PDS5A: variants seen among roughly 807,000 people sequenced by gnomAD.
PDS5A encodes sister chromatid cohesion protein PDS5 homolog A.
A neutral mutation model predicts 167.1 loss-of-function variants in PDS5A; 42 were observed. The ratio of observed to expected loss-of-function variants is 0.25; its 90% confidence interval spans 0.20 to 0.33. PDS5A has a LOEUF of 0.33. Ranked by LOEUF, PDS5A falls within the 10% of genes least tolerant of loss-of-function variation. The pLI is 1.00. For synonymous variants in PDS5A, 553 were observed against 554.6 expected, an observed-to-expected ratio of 1.00 and a Z score of 0.04; for missense variants, 1,033 against 1,605.9, an observed-to-expected ratio of 0.64 and a Z score of 6.10.
chr4:39,914,174 T>TG (rs1724145897), intron 8 of PDS5A, among the ~76,000 whole-genome samples: 1 of 150,880 alleles, frequency 6.6e-6, no homozygotes, highest in African/African-American at 2.4e-5. Flanking sequence ...TTTTTTTTTT[T>TG]TTTTTTTGAG....
chr4:39,913,832 C>T, intron 8 of PDS5A, 106 bp from the exon 9 acceptor site: 2 of 697,924 alleles, frequency 2.9e-6, no homozygotes, highest in Middle Eastern at 2.4e-4. Context: ...CTGCTTATAA[C>T]TGTGAGAAGT....
At chr4:39,851,513 C>T (rs1718122308) in intron 26 of PDS5A, among the ~76,000 whole-genome samples, 1 of 152,124 alleles carries the variant, frequency 6.6e-6, no homozygotes, top group African/African-American at 2.4e-5. Context: ...GTCTTGAACT[C>T]CCAGGCTCAA....
At chr4:39,888,913 A>G (rs1721728335) in intron 17 of PDS5A, among the ~76,000 whole-genome samples, 1 of 152,220 alleles carries the variant, frequency 6.6e-6, no homozygotes, top group Admixed American at 6.5e-5. Flanking sequence ...TAGCATAAAG[A>G]TGAATATTTA....
At chr4:39,904,250 A>C in intron 11 of PDS5A, 59 bp from the exon 12 acceptor site, 1 of 1,263,802 alleles carries the variant, frequency 7.9e-7, no homozygotes, top group Non-Finnish European at 1.1e-6. Context: ...CTAATCTCCA[A>C]AGACTGCCTT....
chr4:39,909,999 A>G (rs2109680718), intron 10 of PDS5A: 1 of 333,416 alleles, frequency 3.0e-6, no homozygotes, highest in East Asian at 4.9e-5. Flanking sequence ...GGGATCTCAA[A>G]GTGAGAGGTC....
chr4:39,824,736 A>G lies in PDS5A; in HGVS notation c.*749T>C, dbSNP rs1440267031. 1.3e-5 allele frequency: 2 copies of G among 152,620 alleles called. No individual in the cohort carries two copies. The highest frequency in any genetic ancestry group is 6.6e-5 in the Admixed American group (1 of 15,266). 9.5% of individuals were successfully genotyped at this position (152,620 alleles called of 1,614,324 possible). On this transcript the variant is annotated 3_prime_UTR_variant, in exon 33 of 33. Coordinates refer to ENST00000303538, the MANE Select transcript of PDS5A (RefSeq NM_001100399.2). ...GATATGCTTTATGAAACAAACAACA[A>G]TATGTACATTTATTGCAAATTATAT...
Position 39,849,510 on chromosome 4 carries a change from C to T in PDS5A, c.3219+10G>A. The T allele has an allele frequency of 1.3e-6, 2 of 1,570,616 alleles. No individual in the cohort carries two copies. The highest frequency in any genetic ancestry group is 1.1e-5 in the South Asian group (1 of 90,108). On this transcript the variant is annotated intron_variant, in intron 27 of 32. Coordinates refer to ENST00000303538, the MANE Select transcript of PDS5A (RefSeq NM_001100399.2). ...CATCTTAACACCCACTGGCCTAACACTCATCTTACTTCATTTGTCTTGGAT... is the reference window on the plus strand; with the variant it reads ...CATCTTAACACCCACTGGCCTAACATTCATCTTACTTCATTTGTCTTGGAT...
At chr4:39,862,172 A>C in intron 26 of PDS5A, 47 bp downstream of exon 26, 1 of 715,726 alleles carries the variant, frequency 1.4e-6, no homozygotes, top group Non-Finnish European at 2.2e-6. Context: ...CCATTTTTTG[A>C]AAACTAAACA....
intron 17 of PDS5A, among the ~76,000 whole-genome samples, chr4:39,882,607 G>GC (rs1438539657): frequency 2.0e-5 from 3 of 152,136 alleles, no homozygotes; most frequent in Non-Finnish European, 4.4e-5. Flanking sequence ...TATTTCATGA[G>GC]TATTTATTAA....
In PDS5A at chr4:39,825,361, C is replaced by CAG; in HGVS notation, c.*122_*123dup. The CAG allele has an allele frequency of 1.4e-6, 1 of 692,102 alleles. No homozygotes were observed. Among genetic ancestry groups the CAG allele is most frequent in the Non-Finnish European group, 2.4e-6 (1 of 409,328 alleles). The allele number at this position is 692,102 out of a possible 1,614,324, so 42.9% of individuals were successfully genotyped here. ...GTAATAGTCTCTTTAGTTTTCAAGGCAGAGAGTGTGTGTTCTGAAGTGAGC... is the reference window on the plus strand; with the variant it reads ...GTAATAGTCTCTTTAGTTTTCAAGGCAGAGAGAGTGTGTGTTCTGAAGTGAGC... On this transcript the variant is annotated 3_prime_UTR_variant, in exon 33 of 33. Transcript: ENST00000303538.
At chr4:39,954,643 A>G (rs1319653240) in intron 2 of PDS5A, among the ~76,000 whole-genome samples, 1 of 150,744 alleles carries the variant, frequency 6.6e-6, no homozygotes, top group African/African-American at 2.4e-5. Flanking sequence ...TCAAGACATA[A>G]ATAAGTACCC....
intron 32 of PDS5A, among the ~76,000 whole-genome samples, chr4:39,830,502 G>A (rs1054087151): frequency 2.6e-5 from 4 of 152,144 alleles, no homozygotes; most frequent in African/African-American, 9.7e-5. Context: ...TTGGCTCACT[G>A]CAACCTCCAA....
chr4:39,951,710 C>T (rs999553166), intron 2 of PDS5A, among the ~76,000 whole-genome samples: 23 of 152,084 alleles, frequency 1.5e-4, no homozygotes, highest in Non-Finnish European at 2.8e-4. Context: ...ACCATCCTGG[C>T]TAACACGGTG....
At chr4:39,964,918 G>T (rs1037400428) in intron 2 of PDS5A, among the ~76,000 whole-genome samples, 14 of 152,018 alleles carry the variant, frequency 9.2e-5, no homozygotes, top group African/African-American at 3.4e-4. Context: ...ACTCCAGCCT[G>T]GGTGACAGAA....
chr4:39,885,647 G>C (rs1173873243), intron 17 of PDS5A, among the ~76,000 whole-genome samples: 2 of 152,074 alleles, frequency 1.3e-5, no homozygotes, highest in African/African-American at 4.8e-5. Flanking sequence ...GCGTATAGTG[G>C]CTCACGCCTG....
At chr4:39,879,973 C>G (rs1192187569) in intron 17 of PDS5A, 140 bp from the exon 18 acceptor site, 1 of 520,718 alleles carries the variant, frequency 1.9e-6, no homozygotes, top group African/African-American at 1.9e-5. Flanking sequence ...CAACCTTGTC[C>G]TCTACTTGAT....
chr4:39,862,537 C>A (rs1277185298), intron 25 of PDS5A, among the ~76,000 whole-genome samples: 1 of 152,068 alleles, frequency 6.6e-6, no homozygotes, highest in Non-Finnish European at 1.5e-5. Context: ...TTGAAAGATA[C>A]TGAAGTCAAA....
chr4:39,900,954 G>A (rs911027673), intron 13 of PDS5A, among the ~76,000 whole-genome samples: 16 of 152,182 alleles, frequency 1.1e-4, no homozygotes, highest in Non-Finnish European at 1.5e-5. Flanking sequence ...TATACATGAA[G>A]CACTATAGAC....
intron 2 of PDS5A, among the ~76,000 whole-genome samples, chr4:39,930,246 A>AAAAAAAAAAAAATTTTTTTTTTT: frequency 1.1e-5 from 1 of 93,090 alleles, no homozygotes; most frequent in Non-Finnish European, 2.2e-5. Flanking sequence ...AAAAAAAAAA[A>AAAAAAAAAAAAATTTTTTTTTTT]GTTTTTTTGT....
Sources: gnomAD v4.1 joint callset for allele counts (sites outside exome capture counted in the v4.1 genomes callset) on GRCh38, gnomAD v4.1.1 for gene constraint, MANE v1.5 for transcripts, NCBI Gene and HGNC (gene_info 2026-07-23, HGNC 2026-07-21) for gene names.